Variants in ZC3H13 observed in about 807,000 individuals in gnomAD.
ZC3H13 encodes the protein zinc finger CCCH-type containing 13, also known as zinc finger CCCH domain-containing protein 13.
Under a neutral mutation model 204.1 loss-of-function variants are expected in ZC3H13, and 64 were observed. The observed-to-expected ratio is 0.31, with a 90% CI of 0.26 to 0.39. The LOEUF (loss-of-function observed/expected upper bound fraction) is 0.39. Ranked by LOEUF, ZC3H13 falls within the 10% of genes least tolerant of loss-of-function variation. The pLI is 1.00. For missense variants in ZC3H13, 1,833 were observed against 2,082.7 expected (o/e 0.88, Z 2.33); for synonymous variants, 667 against 693.7 (o/e 0.96, Z 0.60).
At chr13:45,997,900 C>T (rs569550813) in intron 8 of ZC3H13, among the ~76,000 whole-genome samples, 2 of 152,276 alleles carry the variant, frequency 1.3e-5, no homozygotes, top group Admixed American at 6.5e-5. Context: ...CATACACACA[C>T]ACACCCCATC....
chr13:45,963,185 C>T, intron 17 of ZC3H13: 1 of 972,228 alleles, frequency 1.0e-6, no homozygotes, highest in South Asian at 4.8e-5. Flanking sequence ...TAAGTAATAG[C>T]CAGTAAGTGG....
At chr13:45,988,750 A>G in intron 9 of ZC3H13, 37 bp downstream of exon 9, 3 of 1,560,296 alleles carry the variant, frequency 1.9e-6, no homozygotes, top group East Asian at 2.3e-5. Context: ...CTGGATGTTC[A>G]ATTTTTCAAT....
At position 45,955,180 on chromosome 13, in the gene ZC3H13, C is replaced by G. The variant is rs1273775590; in HGVS notation, c.*1947G>C. 5.9e-5 allele frequency: 9 copies of G among 152,046 alleles called. No individual in the cohort carries two copies. Among genetic ancestry groups the G allele is most frequent in the Admixed American group, 3.9e-4 (6 of 15,270 alleles). 9.4% of individuals were successfully genotyped at this position (152,046 alleles called of 1,614,324 possible). A position where few individuals can be genotyped will look rare whatever the true frequency, so the allele number is the denominator to read the frequency against. On this transcript the variant is annotated 3_prime_UTR_variant, in exon 19 of 19. Coordinates refer to ENST00000679008, the MANE Select transcript of ZC3H13 (RefSeq NM_001330564.2). ...ACTGGAAGATTGTTTTTCGGGAATACCAGTTTAACTGAGACTTTAATTATG... is the reference window on the plus strand; with the variant it reads ...ACTGGAAGATTGTTTTTCGGGAATAGCAGTTTAACTGAGACTTTAATTATG...
chr13:46,014,705 TAC>T (rs574082060), intron 5 of ZC3H13, among the ~76,000 whole-genome samples: 6 of 152,318 alleles, frequency 3.9e-5, no homozygotes, highest in South Asian at 4.1e-4. Context: ...TAATTCTGAA[TAC>T]ACAGAGTAAA....
intron 12 of ZC3H13, among the ~76,000 whole-genome samples, chr13:45,973,336 A>T (rs1952745004): frequency 1.3e-5 from 2 of 152,236 alleles, no homozygotes; most frequent in Admixed American, 6.5e-5. Context: ...AGTTAATGAA[A>T]GATTAAGATA....
At chr13:46,012,726 A>T (rs1369722904) in intron 5 of ZC3H13, among the ~76,000 whole-genome samples, 2 of 152,218 alleles carry the variant, frequency 1.3e-5, no homozygotes, top group Non-Finnish European at 2.9e-5. Flanking sequence ...ATTACTAAAT[A>T]TTTAATTAAG....
At position 45,967,866 on chromosome 13, in the gene ZC3H13, T is replaced by C; in HGVS notation, c.3959A>G (p.Gln1320Arg). 6.2e-7 allele frequency: 1 copy of C among 1,614,112 alleles called. No homozygotes were observed. The highest frequency in any genetic ancestry group is 8.5e-7 in the Non-Finnish European group (1 of 1,180,028). Residue 1320 changes from glutamine to arginine, a missense_variant, in exon 15 of 19, where the codon CAG (glutamine) becomes CGG (arginine). Gln to Arg is a conservative substitution (Grantham distance 43, BLOSUM62 1). Coordinates refer to ENST00000679008, the MANE Select transcript of ZC3H13 (RefSeq NM_001330564.2). Reference protein sequence around the residue: ...ERERERRDTRQREWDRDADKD... With the variant: ...ERERERRDTRRREWDRDADKD... ...ATCAGCATCTCGGTCCCATTCTCTC[T>C]GCCTCGTATCTCTCCTCTCTCTCTC...
intron 4 of ZC3H13, among the ~76,000 whole-genome samples, chr13:46,031,986 T>C (rs1164827898): frequency 1.3e-5 from 2 of 152,236 alleles, no homozygotes; most frequent in South Asian, 2.1e-4. Flanking sequence ...TTATAGCAGC[T>C]GTATTCATAA....
chr13:46,013,772 G>GA (rs2041732971), intron 5 of ZC3H13, among the ~76,000 whole-genome samples: 1 of 152,038 alleles, frequency 6.6e-6, no homozygotes, highest in African/African-American at 2.4e-5. Context: ...TAAGTCATCA[G>GA]AAAAATATCA....
chr13:46,009,457 A>G (rs2041387943), intron 7 of ZC3H13, among the ~76,000 whole-genome samples: 1 of 152,152 alleles, frequency 6.6e-6, no homozygotes, highest in African/African-American at 2.4e-5. Context: ...AGTTAGTGAT[A>G]TAATAATCTA....
At chr13:45,970,507 G>T (rs766546397) in intron 12 of ZC3H13, 42 bp from the exon 13 acceptor site, 1 of 1,561,320 alleles carries the variant, frequency 6.4e-7, no homozygotes, top group Non-Finnish European at 8.7e-7. Context: ...ATTCTAGGGG[G>T]CAAAAAAAGA....
chr13:46,001,544 T>C (rs766182278), intron 8 of ZC3H13: 1 of 152,192 alleles, frequency 6.6e-6, no homozygotes, highest in Non-Finnish European at 1.5e-5. Flanking sequence ...GTGAGTCCTA[T>C]GCATACCATT....
At chr13:46,048,438 G>A (rs963389170) in intron 1 of ZC3H13, among the ~76,000 whole-genome samples, 1 of 151,894 alleles carries the variant, frequency 6.6e-6, no homozygotes, top group Non-Finnish European at 1.5e-5. Context: ...AAAATTAGCC[G>A]GGCGTGGTGG....
chr13:46,042,881 G>C (rs1238196329), intron 3 of ZC3H13, among the ~76,000 whole-genome samples: 2 of 151,844 alleles, frequency 1.3e-5, no homozygotes, highest in Non-Finnish European at 2.9e-5. Context: ...AATTATTTCA[G>C]AATAAAGATA....
At chr13:46,048,005 C>T (rs974846594) in intron 1 of ZC3H13, among the ~76,000 whole-genome samples, 3 of 152,142 alleles carry the variant, frequency 2.0e-5, no homozygotes, top group Non-Finnish European at 4.4e-5. Context: ...TCTACTACCC[C>T]CAACATGCCT....
At chr13:46,030,613 T>C (rs1056359952) in intron 4 of ZC3H13, among the ~76,000 whole-genome samples, 1 of 151,972 alleles carries the variant, frequency 6.6e-6, no homozygotes, top group African/African-American at 2.4e-5. Flanking sequence ...TTAGTTCAGG[T>C]TGCAGAATAC....
At chr13:45,963,123 G>A in intron 17 of ZC3H13, 1 of 964,190 alleles carries the variant, frequency 1.0e-6, no homozygotes, top group Non-Finnish European at 1.2e-6. Context: ...ACCATAGGAA[G>A]TTGGTGGTAT....
intron 8 of ZC3H13, among the ~76,000 whole-genome samples, chr13:45,996,457 C>T (rs1455357641): frequency 1.3e-5 from 2 of 152,164 alleles, no homozygotes; most frequent in East Asian, 3.9e-4. Flanking sequence ...TTTGCTTTCC[C>T]TGGTCAACCA....
intron 4 of ZC3H13, among the ~76,000 whole-genome samples, chr13:46,041,209 T>C (rs1362723820): frequency 6.6e-6 from 1 of 152,018 alleles, no homozygotes; most frequent in Non-Finnish European, 1.5e-5. Context: ...ATAAACAAAA[T>C]GTGATATTAT....
Sources: gnomAD v4.1 joint callset for allele counts (sites outside exome capture counted in the v4.1 genomes callset) on GRCh38, gnomAD v4.1.1 for gene constraint, MANE v1.5 for transcripts, NCBI Gene and HGNC (gene_info 2026-07-23, HGNC 2026-07-21) for gene names.